Variants in L3MBTL4 observed in about 807,000 individuals in gnomAD.
L3MBTL4 encodes the protein L3MBTL histone methyl-lysine binding protein 4.
L3MBTL4 carries 70 observed loss-of-function variants against 84.5 expected under a neutral mutation model. The observed-to-expected ratio is 0.83, with a 90% confidence interval of 0.68 to 1.01. The LOEUF is 1.01. Ranked by LOEUF, L3MBTL4 falls within the 50% of genes least tolerant of loss-of-function variation. L3MBTL4 has a pLI of 0.00. For missense variants in L3MBTL4, 715 were observed against 754.8 expected, an observed-to-expected ratio of 0.95 and a Z score of 0.62; for synonymous variants, 274 against 259.8, an observed-to-expected ratio of 1.05 and a Z score of -0.52.
rs34294575 is a variant in L3MBTL4, at chr18:6,346,103, A to AATATATAT, written c.-90-34055_-90-34048dup. Among the ~76,000 whole-genome samples the AATATATAT allele has an allele frequency of 5.7e-3, 735 of 129,750 alleles. 3 individuals carry two copies. The highest frequency in any genetic ancestry group is 0.013 in the East Asian group (56 of 4,458). The allele number at this position is 129,750 out of a possible 152,430, so 85.1% of individuals were successfully genotyped here. A position where few individuals can be genotyped will look rare whatever the true frequency, so the allele number is the denominator to read the frequency against. On this transcript the variant is annotated intron_variant, in intron 1 of 18. Transcript: ENST00000317931. ...CAGTCTCTTCAAGAAATGATGTTGG[A>AATATATAT]ATATATATATATATATATATATATA...
intron 16 of L3MBTL4, among the ~76,000 whole-genome samples, chr18:6,039,636 T>C (rs2056310072): frequency 2.0e-5 from 3 of 152,204 alleles, no homozygotes; most frequent in Admixed American, 1.3e-4. Flanking sequence ...CATACACGCA[T>C]ACCCTCTTCC....
chr18:6,375,763 A>G (rs1342818468), intron 1 of L3MBTL4, among the ~76,000 whole-genome samples: 2 of 152,168 alleles, frequency 1.3e-5, no homozygotes, highest in African/African-American at 4.8e-5. Flanking sequence ...GTGGAATCCA[A>G]TAGGACCTGG....
chr18:5,958,724 C>T (rs2095246927), intron 18 of L3MBTL4, among the ~76,000 whole-genome samples: 1 of 152,100 alleles, frequency 6.6e-6, no homozygotes, highest in Non-Finnish European at 1.5e-5. Context: ...TACTTTGGGA[C>T]AAGAACAGGG....
At chr18:6,102,171 T>C (rs1010893059) in intron 14 of L3MBTL4, among the ~76,000 whole-genome samples, 1 of 152,210 alleles carries the variant, frequency 6.6e-6, no homozygotes, top group Non-Finnish European at 1.5e-5. Context: ...ATTGGGCTAT[T>C]TCATGCTTCA....
chr18:5,996,990 A>AAT (rs2054002837), intron 16 of L3MBTL4, among the ~76,000 whole-genome samples: 6 of 151,230 alleles, frequency 4.0e-5, no homozygotes, highest in African/African-American at 1.5e-4. Context: ...GCATTTTAGA[A>AAT]GCACAATTGA....
chr18:6,212,047 C>G (rs1344509424), intron 12 of L3MBTL4, among the ~76,000 whole-genome samples: 3 of 152,044 alleles, frequency 2.0e-5, no homozygotes, highest in Non-Finnish European at 4.4e-5. Context: ...TAAGAGTAAA[C>G]AGTAAAATTC....
At chr18:6,371,906 T>C (rs539177332) in intron 1 of L3MBTL4, among the ~76,000 whole-genome samples, 1 of 152,202 alleles carries the variant, frequency 6.6e-6, no homozygotes, top group Non-Finnish European at 1.5e-5. Flanking sequence ...CACAATAGCC[T>C]CTCTTCAATG....
intron 15 of L3MBTL4, among the ~76,000 whole-genome samples, chr18:6,090,781 C>T (rs1192977782): frequency 1.3e-5 from 2 of 148,486 alleles, no homozygotes; most frequent in Non-Finnish European, 3.0e-5. Context: ...CATGCCACCA[C>T]ACCCACCTAT....
At chr18:5,993,603 T>C (rs576409569) in intron 16 of L3MBTL4, among the ~76,000 whole-genome samples, 1 of 150,134 alleles carries the variant, frequency 6.7e-6, no homozygotes, top group East Asian at 2.1e-4. Flanking sequence ...TTACACCAAA[T>C]GACTTTTACT....
At chr18:6,337,246 C>G (rs1244395998) in intron 1 of L3MBTL4, among the ~76,000 whole-genome samples, 1 of 151,992 alleles carries the variant, frequency 6.6e-6, no homozygotes, top group Admixed American at 6.5e-5. Flanking sequence ...AAAAATGTTC[C>G]AAAACTGAGA....
At chr18:6,330,709 A>G (rs2143127853) in intron 1 of L3MBTL4, among the ~76,000 whole-genome samples, 1 of 152,362 alleles carries the variant, frequency 6.6e-6, no homozygotes, top group South Asian at 2.1e-4. Context: ...TCTACCTCCC[A>G]TAGTATGCAT....
At chr18:6,264,543 G>A (rs917564593) in intron 4 of L3MBTL4, among the ~76,000 whole-genome samples, 1 of 152,176 alleles carries the variant, frequency 6.6e-6, no homozygotes, top group Non-Finnish European at 1.5e-5. Flanking sequence ...CAGCACTTCG[G>A]GAGGCCAAGG....
chr18:6,256,682 T>G (rs1485075756), intron 5 of L3MBTL4: 1 of 151,984 alleles, frequency 6.6e-6, no homozygotes, highest in Non-Finnish European at 1.5e-5. Flanking sequence ...GTTTTCATCG[T>G]GAATAAAGTT....
chr18:5,984,574 G>A (rs183453051), intron 16 of L3MBTL4, among the ~76,000 whole-genome samples: 13 of 152,040 alleles, frequency 8.6e-5, no homozygotes, highest in Admixed American at 2.0e-4. Flanking sequence ...ATATTTTTTT[G>A]GGGGGGAAGC....
intron 9 of L3MBTL4, among the ~76,000 whole-genome samples, chr18:6,238,895 T>G (rs2047331635): frequency 6.6e-6 from 1 of 151,652 alleles, no homozygotes; most frequent in Non-Finnish European, 1.5e-5. Flanking sequence ...TGCCATGACC[T>G]CTTGCATATT....
At chr18:6,112,874 T>G (rs2059236490) in intron 14 of L3MBTL4, among the ~76,000 whole-genome samples, 1 of 152,318 alleles carries the variant, frequency 6.6e-6, no homozygotes, top group South Asian at 2.1e-4. Flanking sequence ...ATCTTTAAGA[T>G]GCATGATTGA....
intron 5 of L3MBTL4, among the ~76,000 whole-genome samples, chr18:6,248,087 A>G (rs1304655841): frequency 6.6e-6 from 1 of 152,174 alleles, no homozygotes. Flanking sequence ...TATAAATCAT[A>G]AGTTCAAACA....
At chr18:6,276,272 C>G (rs1326110653) in intron 4 of L3MBTL4, among the ~76,000 whole-genome samples, 1 of 152,160 alleles carries the variant, frequency 6.6e-6, no homozygotes, top group Non-Finnish European at 1.5e-5. Flanking sequence ...CACCTCAGGC[C>G]CATGTCATCA....
chr18:6,320,481 T>C (rs1454753771), intron 1 of L3MBTL4, among the ~76,000 whole-genome samples: 2 of 151,900 alleles, frequency 1.3e-5, no homozygotes, highest in Non-Finnish European at 2.9e-5. Context: ...ACACAAACAA[T>C]GACCAAGCAG....
Sources: gnomAD v4.1 joint callset for allele counts (sites outside exome capture counted in the v4.1 genomes callset) on GRCh38, gnomAD v4.1.1 for gene constraint, MANE v1.5 for transcripts, NCBI Gene and HGNC (gene_info 2026-07-23, HGNC 2026-07-21) for gene names.